The following TRPV1 variants were observed in gnomAD, a reference collection of about 807,000 sequenced individuals.
TRPV1 encodes transient receptor potential cation channel subfamily V member 1, also known as OTRPC1.
In TRPV1, 82 loss-of-function variants were observed where a neutral mutation model predicts 82.3. The ratio of observed to expected loss-of-function variants is 1.00; its 90% CI spans 0.83 to 1.20. The LOEUF (loss-of-function observed/expected upper bound fraction) is 1.20, where lower values mean the gene tolerates loss of function less well. Among genes scored for constraint, TRPV1 ranks in the 50% most tolerant of loss-of-function variants. TRPV1 has a pLI of 0.00. For missense variants in TRPV1, 1,067 were observed against 1,096.8 expected, an observed-to-expected ratio of 0.97 and a Z score of 0.38; for synonymous variants, 515 against 467.7, an observed-to-expected ratio of 1.10 and a Z score of -1.30.
At position 3,590,308 on chromosome 17, in the gene TRPV1, G is replaced by T; in HGVS notation, c.689C>A (p.Ala230Asp). 1 of 1,614,002 alleles carries T rather than the reference G, an allele frequency of 6.2e-7. No homozygotes were observed. The highest frequency in any genetic ancestry group is 8.5e-7 in the Non-Finnish European group (1 of 1,179,884). Reference protein sequence around the residue: ...LLVENGADVQAAAHGDFFKKT... With the variant: ...LLVENGADVQDAAHGDFFKKT... The stretch of plus-strand genomic sequence containing the variant: ...CTTAAAGAAGTCCCCATGGGCCGCA[G>T]CCTGGACGTCTGCTCCGTTCTCCAC... The change falls in exon 6 of 17, where the codon GCT becomes GAT. Residue 230 changes from alanine to aspartate, a missense_variant. Transcript: ENST00000572705.
chr17:3,586,941 G>T (rs559053140), intron 8 of TRPV1, among the ~76,000 whole-genome samples: 3 of 152,128 alleles, frequency 2.0e-5, no homozygotes, highest in African/African-American at 7.2e-5. Flanking sequence ...CTTTGGGAAT[G>T]GGAAACTCCT....
At chr17:3,567,219 A>T (rs2074777419) in intron 16 of TRPV1, among the ~76,000 whole-genome samples, 1 of 151,184 alleles carries the variant, frequency 6.6e-6, no homozygotes, top group South Asian at 2.1e-4. Context: ...AAAAAAAAAA[A>T]ATTGGCCGGG....
chr17:3,605,212 T>G (rs2075289085), intron 2 of TRPV1, among the ~76,000 whole-genome samples: 1 of 152,090 alleles, frequency 6.6e-6, no homozygotes, highest in Non-Finnish European at 1.5e-5. Context: ...ACTACCCACC[T>G]TCTAGATTAA....
intron 13 of TRPV1, among the ~76,000 whole-genome samples, chr17:3,574,382 A>G (rs2074901724): frequency 6.6e-6 from 1 of 152,206 alleles, no homozygotes; most frequent in South Asian, 2.1e-4. Flanking sequence ...CCAGAGCCTG[A>G]GAGCCTCTGC....
At chr17:3,592,021 C>T in intron 3 of TRPV1, 46 bp downstream of exon 3, 1 of 1,585,592 alleles carries the variant, frequency 6.3e-7, no homozygotes, top group East Asian at 2.2e-5. Flanking sequence ...ATCTCCATGG[C>T]CAGCTGGGCT....
Position 3,571,581 on chromosome 17 carries a change from G to C in TRPV1, c.2290C>G (p.Pro764Ala). 2 of 1,612,752 alleles carry C rather than the reference G, an allele frequency of 1.2e-6. No individual in the cohort carries two copies. The highest frequency in any genetic ancestry group is 1.7e-6 in the Non-Finnish European group (2 of 1,179,458). The change falls in exon 16 of 17, where the codon CCG (proline) becomes GCG (alanine). Residue 764 changes from proline to alanine, a missense_variant. By Grantham distance (27) the Pro-to-Ala change is conservative (BLOSUM62 -1). Coordinates refer to ENST00000572705, the MANE Select transcript of TRPV1 (RefSeq NM_080704.4). ...NTNVGIINED[P>A]GNCEGVKRTL... The stretch of plus-strand genomic sequence containing the variant: ...CGCTTGACGCCCTCACAGTTGCCCG[G>C]GTCTTCGTTGATGATGCCCACGTTG...
rs1402069327 is a variant in TRPV1, at chr17:3,590,356, T to A, written c.641A>T (p.Asn214Ile). 1.2e-6 allele frequency: 2 copies of A among 1,613,880 alleles called. No individual in the cohort carries two copies. The highest frequency in any genetic ancestry group is 2.7e-5 in the African/African-American group (2 of 74,934). ...TALHIAIERRNMALVTLLVEN... is the reference protein window; with the variant it reads ...TALHIAIERRIMALVTLLVEN... ...CACCAGGAGGGTCACCAGGGCCATGTTGCGTCTCTCGATGGCGATGTGCAG... is the reference window on the plus strand; with the variant it reads ...CACCAGGAGGGTCACCAGGGCCATGATGCGTCTCTCGATGGCGATGTGCAG... Residue 214 changes from asparagine to isoleucine, a missense_variant, in exon 6 of 17, where the codon AAC (asparagine) becomes ATC (isoleucine). Physicochemically the swap from Asn to Ile is moderately radical, Grantham distance 149. Transcript: ENST00000572705.
intron 9 of TRPV1, among the ~76,000 whole-genome samples, chr17:3,584,028 T>C (rs554940917): frequency 6.6e-6 from 1 of 152,238 alleles, no homozygotes; most frequent in East Asian, 1.9e-4. Flanking sequence ...CCCAGCACTT[T>C]GGGAGGCCGA....
At chr17:3,573,567 A>C in intron 14 of TRPV1, 66 bp downstream of exon 14, 1 of 412,436 alleles carries the variant, frequency 2.4e-6, no homozygotes, top group Non-Finnish European at 3.6e-6. Context: ...CCAGCTGTGT[A>C]AGACAGCAGA....
intron 13 of TRPV1, among the ~76,000 whole-genome samples, chr17:3,575,901 G>A (rs769936559): frequency 4.6e-5 from 7 of 152,176 alleles, no homozygotes; most frequent in Non-Finnish European, 7.3e-5. Context: ...GGTCGCAAAT[G>A]ACAAGGAATG....
intron 14 of TRPV1, among the ~76,000 whole-genome samples, chr17:3,572,664 G>A (rs1421059341): frequency 3.9e-5 from 2 of 51,150 alleles, no homozygotes; most frequent in South Asian, 3.7e-3. Flanking sequence ...ACTTCACTAC[G>A]CCTCAGTGCC....
chr17:3,571,465 C>A (rs894745799), intron 16 of TRPV1, 59 bp downstream of exon 16: 2 of 1,388,664 alleles, frequency 1.4e-6, no homozygotes, highest in Middle Eastern at 1.9e-4. Context: ...CAAAGCTCCC[C>A]CTGCCCAACA....
At chr17:3,584,907 T>C (rs1454277609) in intron 9 of TRPV1, among the ~76,000 whole-genome samples, 1 of 152,236 alleles carries the variant, frequency 6.6e-6, no homozygotes, top group Non-Finnish European at 1.5e-5. Context: ...AGAAGTTTGA[T>C]GAAGTCTTGG....
At chr17:3,579,959 AG>A (rs1191032460) in intron 11 of TRPV1, among the ~76,000 whole-genome samples, 2 of 38,294 alleles carry the variant, frequency 5.2e-5, no homozygotes, top group Non-Finnish European at 2.6e-4. Context: ...GGGATGGGGA[AG>A]CTCCAGGCAG....
chr17:3,571,332 C>T (rs1246159086), intron 16 of TRPV1, among the ~76,000 whole-genome samples, 192 bp downstream of exon 16: 1 of 152,178 alleles, frequency 6.6e-6, no homozygotes, highest in East Asian at 1.9e-4. Context: ...AGCCGTCAGC[C>T]GTGACAGCAT....
chr17:3,569,904 G>GGA (rs2074824767), intron 16 of TRPV1, among the ~76,000 whole-genome samples: 3 of 151,756 alleles, frequency 2.0e-5, no homozygotes, highest in Non-Finnish European at 2.9e-5. Context: ...AAGGGGTTAG[G>GGA]GGCCAGGGGC....
intron 3 of TRPV1, among the ~76,000 whole-genome samples, chr17:3,591,855 C>T (rs1392342412): frequency 1.3e-5 from 2 of 152,196 alleles, no homozygotes; most frequent in Non-Finnish European, 1.5e-5. Context: ...GTAGGCATTG[C>T]GGGCGTGGAC....
chr17:3,571,409 C>T, intron 16 of TRPV1, 115 bp downstream of exon 16: 1 of 782,832 alleles, frequency 1.3e-6, no homozygotes, highest in Non-Finnish European at 2.1e-6. Flanking sequence ...GCCACAGCGC[C>T]CGGGTCCTGG....
rs568215049 is a variant in TRPV1, at chr17:3,588,299, G to A, written c.1113C>T (p.Thr371=). The change falls in exon 8 of 17, where the codon ACC becomes ACT. Residue 371 remains threonine (T), a synonymous_variant. Transcript: ENST00000572705. ...PECRHLSRKF[T]EWAYGPVHSS... ...AGTGCACGGGCCCGTAGGCCCACTC[G>A]GTGAACTTCCTGGACAGGTGCCTGC... 35 of 1,574,072 alleles carry A rather than the reference G, an allele frequency of 2.2e-5. No individual in the cohort carries two copies. Among genetic ancestry groups the A allele is most frequent in the South Asian group, 7.0e-5 (6 of 85,386 alleles).
Sources: allele counts gnomAD v4.1 joint callset (sites outside exome capture counted in the v4.1 genomes callset), GRCh38; gene constraint gnomAD v4.1.1; transcripts MANE v1.5; gene names NCBI Gene and HGNC (gene_info 2026-07-23, HGNC 2026-07-21).